The following MSLN variants were observed in gnomAD, a reference collection of about 807,000 sequenced individuals.
MSLN encodes the protein mesothelin.
A neutral mutation model predicts 72.6 loss-of-function variants in MSLN; 82 were observed. The observed-to-expected ratio is 1.13, with a 90% CI of 0.94 to 1.36. MSLN has a LOEUF of 1.36. MSLN is among the 40% of genes most tolerant of loss of function. The pLI, the probability that MSLN is intolerant of heterozygous loss-of-function variation, is 0.00. For missense variants in MSLN, 1,005 were observed against 847.9 expected (o/e 1.19, Z -2.30); for synonymous variants, 456 against 387.3 (o/e 1.18, Z -2.08).
At chr16:766,294 T>G (rs3765322) in intron 12 of MSLN, 41 bp from the exon 13 acceptor site, 487,907 of 1,610,200 alleles carry the variant, frequency 0.3, 85,257 homozygotes, top group African/African-American at 0.78. Context: ...CCCCAGCCCC[T>G]CTGGGAGTGA....
chr16:764,434 G>C (rs560104001), intron 6 of MSLN, among the ~76,000 whole-genome samples: 9 of 152,284 alleles, frequency 5.9e-5, no homozygotes, highest in African/African-American at 1.9e-4. Flanking sequence ...ATCTTTTTCG[G>C]GGGAGTGGGT....
rs776910001 is a variant in MSLN at position 765,001 on chromosome 16, C to T, written c.475C>T (p.Arg159Ter). The T allele has an allele frequency of 6.9e-5, 112 of 1,611,954 alleles. No homozygotes were observed. Among genetic ancestry groups the T allele is most frequent in the Middle Eastern group, 1.6e-4 (1 of 6,080 alleles). Residue 159 changes from arginine (R) to a stop codon, truncating the protein, a stop_gained, in exon 8 of 18, where the codon CGA (arginine) becomes TGA (stop). Transcript: ENST00000545450. LOFTEE classifies it high-confidence loss of function. Reference sequence around the variant, plus strand: ...CCTGCTCCCGAGGGGGGCTCCCGAGCGACAGCGGCTGCTGCCTGCGGCTCT... The same window carrying T: ...CCTGCTCCCGAGGGGGGCTCCCGAGTGACAGCGGCTGCTGCCTGCGGCTCT... ...VDLLPRGAPE[R>*]QRLLPAALAC...
Position 766,675 on chromosome 16 carries a change from C to T in MSLN, c.1238C>T (p.Thr413Ile), listed in dbSNP as rs984598759. Residue 413 changes from threonine (T) to isoleucine (I), a missense_variant, in exon 14 of 18, where the codon ACC becomes ATC. Coordinates refer to ENST00000545450, the MANE Select transcript of MSLN (RefSeq NM_005823.6). ...KGHEMSPQVA[T>I]LIDRFVKGRG... ...CGGCGGCCCCTCCCACAGGTGGCCA[C>T]CCTGATCGACCGCTTTGTGAAGGGA... 2 of 1,612,498 alleles carry T rather than the reference C, an allele frequency of 1.2e-6. No individual in the cohort carries two copies. Among genetic ancestry groups the T allele is most frequent in the African/African-American group, 2.7e-5 (2 of 74,998 alleles).
Position 762,409 on chromosome 16 carries a change from G to A in MSLN, c.-9-263G>A, listed in dbSNP as rs2041546990. 32 of 499,882 alleles carry A rather than the reference G, an allele frequency of 6.4e-5. No individual in the cohort carries two copies. The South Asian group carries it at 7.2e-4, about 11-fold the overall frequency. The allele number at this position is 499,882 out of a possible 1,614,324, so 31.0% of individuals were successfully genotyped here. A position where few individuals can be genotyped will look rare whatever the true frequency, so the allele number is the denominator to read the frequency against. ...ACACTGCCCTGCCCTTCTGGGAGAG[G>A]GGTGGGCGCCAACTGACTCCTGGGC... On this transcript the variant is annotated intron_variant, in intron 2 of 17. Coordinates refer to ENST00000545450, the MANE Select transcript of MSLN (RefSeq NM_005823.6).
rs141318154 is a variant in MSLN, at chr16:765,533, G to A, written c.711G>A (p.Pro237=). The stretch of plus-strand genomic sequence containing the variant: ...GTGTCCCGTGTCTGCACAGCCCCCC[G>A]TCGACATGGTCTGTCTCCACGATGG... ...LQGGGPPYGP[P]STWSVSTMDA... Residue 237 remains proline, a synonymous_variant, in exon 10 of 18, where the codon CCG becomes CCA. Coordinates refer to ENST00000545450, the MANE Select transcript of MSLN (RefSeq NM_005823.6). 7.6e-5 allele frequency: 122 copies of A among 1,605,160 alleles called. No individual in the cohort carries two copies. Among genetic ancestry groups the A allele is most frequent in the African/African-American group, 3.3e-4 (25 of 74,878 alleles).
In MSLN at chr16:768,643, T is replaced by C. The variant is rs58800379; in HGVS notation, c.1784-5T>C. On this transcript the variant is annotated splice_polypyrimidine_tract_variant and splice_region_variant and intron_variant, in intron 17 of 17. Transcript: ENST00000545450. ...GGGCGCTCTGAGTCACCCCTCTCTC[T>C]GTAGAGGCCCTCTCGGGGACGCCCT... The C allele has an allele frequency of 0.026, 42,228 of 1,610,840 alleles. 2,445 individuals carry two copies. The highest frequency in any genetic ancestry group is 0.22 in the African/African-American group (16,067 of 74,690).
Position 762,411 on chromosome 16 carries a change from G to A in MSLN, c.-9-261G>A, listed in dbSNP as rs1596688458. 6.0e-6 allele frequency: 3 copies of A among 502,744 alleles called. No homozygotes were observed. The Admixed American group carries it at 1.1e-4, about 19-fold the overall frequency. 31.1% of individuals were successfully genotyped at this position (502,744 alleles called of 1,614,324 possible). On this transcript the variant is annotated intron_variant, in intron 2 of 17. Coordinates refer to ENST00000545450, the MANE Select transcript of MSLN (RefSeq NM_005823.6). ...ACTGCCCTGCCCTTCTGGGAGAGGG[G>A]TGGGCGCCAACTGACTCCTGGGCTG...
At chr16:762,030 G>T (rs572667800) in intron 2 of MSLN, among the ~76,000 whole-genome samples, 1 of 152,194 alleles carries the variant, frequency 6.6e-6, no homozygotes, top group African/African-American at 2.4e-5. Flanking sequence ...TGGCCCACAG[G>T]CCCCACCCTA....
At position 766,139 on chromosome 16, in the gene MSLN, T is replaced by C. The variant is rs1208415058; in HGVS notation, c.976T>C (p.Cys326Arg). 4.3e-6 allele frequency: 7 copies of C among 1,612,736 alleles called. No individual in the cohort carries two copies. Among genetic ancestry groups the C allele is most frequent in the Non-Finnish European group, 5.9e-6 (7 of 1,179,902 alleles). ...CTACAAGAAGTGGGAGCTGGAAGCC[T>C]GCGTGGATGCGGCCCTGCTGGCCAC... ...IFYKKWELEA[C>R]VDAALLATQM... is the part of the protein sequence containing the mutation. The change falls in exon 12 of 18, where the codon TGC (cysteine) becomes CGC (arginine). Residue 326 changes from cysteine (C) to arginine (R), a missense_variant. Cys to Arg is a radical substitution (Grantham distance 180). Transcript: ENST00000545450.
rs141195126 is a variant in MSLN at position 764,698 on chromosome 16, C to G, written c.352C>G (p.Leu118Val). The change falls in exon 7 of 18, where the codon CTC becomes GTC. Residue 118 changes from leucine (L) to valine (V), a missense_variant. By Grantham distance (32) the Leu-to-Val change is conservative. Transcript: ENST00000545450. Reference sequence around the variant, plus strand: ...TGAGCCCCCCGAGGACCTGGACGCCCTCCCATTGGACCTGCTGCTATTCCT... The same window carrying G: ...TGAGCCCCCCGAGGACCTGGACGCCGTCCCATTGGACCTGCTGCTATTCCT... ...LSEPPEDLDALPLDLLLFLNP... is the reference protein window; with the variant it reads ...LSEPPEDLDAVPLDLLLFLNP... 1,408 of 1,612,346 alleles carry G rather than the reference C, an allele frequency of 8.7e-4. 8 individuals are homozygous for G. The African/African-American group carries it at 0.017, about 19-fold the overall frequency.
rs1567361685 is a variant in MSLN, at chr16:768,676, A to G, written c.1812A>G (p.Leu604=). Residue 604 remains leucine (L), a synonymous_variant, in exon 18 of 18, where the codon CTA becomes CTG. Coordinates refer to ENST00000545450, the MANE Select transcript of MSLN (RefSeq NM_005823.6). ...QEALSGTPCL[L]GPGPVLTVLA... is the part of the protein sequence containing the mutation. ...CCCTCTCGGGGACGCCCTGCCTCCT[A>G]GGACCTGGACCTGTTCTCACCGTCC... 1 of 1,610,948 alleles carries G rather than the reference A, an allele frequency of 6.2e-7. No individual in the cohort carries two copies. The highest frequency in any genetic ancestry group is 1.7e-5 in the Admixed American group (1 of 59,980).
chr16:763,201 C>G (rs1019023927), intron 3 of MSLN, 32 bp from the exon 4 acceptor site: 6 of 1,480,404 alleles, frequency 4.1e-6, no homozygotes, highest in Non-Finnish European at 5.5e-6. Context: ...AGGCCCGCCC[C>G]CTCCCCCAAG....
intron 7 of MSLN, 71 bp from the exon 8 acceptor site, chr16:764,836 G>T (rs906753662): frequency 1.3e-6 from 2 of 1,589,938 alleles, no homozygotes; most frequent in African/African-American, 2.7e-5. Context: ...TGTGGAGGCC[G>T]GCCGGGCTGC....
intron 3 of MSLN, 78 bp from the exon 4 acceptor site, chr16:763,155 T>A: frequency 2.0e-6 from 2 of 980,188 alleles, no homozygotes; most frequent in Non-Finnish European, 3.1e-6. Flanking sequence ...GGCCAGGCTC[T>A]GCCTCCTTCC....
At chr16:767,289 A>T (rs983981422) in intron 15 of MSLN, 87 bp from the exon 16 acceptor site, 4 of 1,287,192 alleles carry the variant, frequency 3.1e-6, no homozygotes, top group Middle Eastern at 4.5e-4. Flanking sequence ...GAAGCCCTGT[A>T]AGGCAAGTGG....
At position 764,011 on chromosome 16, in the gene MSLN, C is replaced by T. The variant is rs111628730; in HGVS notation, c.180-12C>T. 6.9e-6 allele frequency: 11 copies of T among 1,597,628 alleles called. No homozygotes were observed. The African/African-American group carries it at 9.3e-5, about 14-fold the overall frequency. ...GGGCGATCGTGGGTGCCCAGCCCGA[C>T]CCTTCCTGCAGCCTCTCCCCTCGCC... On this transcript the variant is annotated splice_polypyrimidine_tract_variant and intron_variant, in intron 5 of 17. Coordinates refer to ENST00000545450, the MANE Select transcript of MSLN (RefSeq NM_005823.6).
intron 16 of MSLN, 40 bp from the exon 17 acceptor site, chr16:768,339 A>T: frequency 6.7e-7 from 1 of 1,494,022 alleles, no homozygotes. Context: ...GCGCTGAGGG[A>T]AGGAGACCCT....
Position 765,701 on chromosome 16 carries a change from C to T in MSLN, c.806C>T (p.Ala269Val). The T allele has an allele frequency of 6.2e-7, 1 of 1,600,826 alleles. No individual in the cohort carries two copies. Among genetic ancestry groups the T allele is most frequent in the Middle Eastern group, 1.7e-4 (1 of 6,052 alleles). Residue 269 changes from alanine (A) to valine (V), a missense_variant, in exon 11 of 18, where the codon GCC becomes GTC. Physicochemically the swap from Ala to Val is moderately conservative, Grantham distance 64. Transcript: ENST00000545450. The stretch of plus-strand genomic sequence containing the variant: ...CCTGCTCGTCCTCAGGGCATCGTGG[C>T]CGCGTGGCGGCAACGCTCCTCTCGG... ...IIRSIPQGIV[A>V]AWRQRSSRDP...
In MSLN at chr16:764,112, C is replaced by T; in HGVS notation, c.269C>T (p.Ala90Val). The change falls in exon 6 of 18, where the codon GCA becomes GTA. Residue 90 changes from alanine to valine, a missense_variant. By Grantham distance (64) the Ala-to-Val change is moderately conservative (BLOSUM62 0). Coordinates refer to ENST00000545450, the MANE Select transcript of MSLN (RefSeq NM_005823.6). ...GTCCGGGAGCTGGCTGTGGCCTTGG[C>T]ACAGAAGAATGTCAAGCTCTCAACA... Reference protein sequence around the residue: ...ERVRELAVALAQKNVKLSTEQ... With the variant: ...ERVRELAVALVQKNVKLSTEQ... 6.2e-7 allele frequency: 1 copy of T among 1,606,090 alleles called. No individual in the cohort carries two copies. Among genetic ancestry groups the T allele is most frequent in the East Asian group, 2.2e-5 (1 of 44,866 alleles).
Sources: gnomAD v4.1 joint callset for allele counts (sites outside exome capture counted in the v4.1 genomes callset) on GRCh38, gnomAD v4.1.1 for gene constraint, MANE v1.5 for transcripts, NCBI Gene and HGNC (gene_info 2026-07-23, HGNC 2026-07-21) for gene names.